The following IQUB variants were observed in gnomAD, a reference collection of about 807,000 sequenced individuals.
The protein encoded by IQUB is IQ motif and ubiquitin-like domain-containing protein.
Under a neutral mutation model 86.4 loss-of-function variants are expected in IQUB, and 86 were observed. The observed-to-expected ratio is 1.00, with a 90% CI of 0.84 to 1.19. The LOEUF is 1.19. Ranked by LOEUF, IQUB falls within the 50% of genes most tolerant of loss-of-function variation. IQUB has a pLI of 0.00. For synonymous variants in IQUB, 289 were observed against 304.5 expected, an observed-to-expected ratio of 0.95 and a Z score of 0.53; for missense variants, 946 against 916.9, an observed-to-expected ratio of 1.03 and a Z score of -0.41.
intron 8 of IQUB, among the ~76,000 whole-genome samples, chr7:123,478,089 G>T (rs1194836515): frequency 6.6e-6 from 1 of 151,944 alleles, no homozygotes; most frequent in East Asian, 1.9e-4. Context: ...CCCATTAGTG[G>T]GTATATACTC....
At chr7:123,477,236 CAG>C (rs1376286652) in intron 8 of IQUB, among the ~76,000 whole-genome samples, 1 of 152,130 alleles carries the variant, frequency 6.6e-6, no homozygotes, top group African/African-American at 2.4e-5. Flanking sequence ...GGTATCAAAA[CAG>C]AGAGATAGAC....
At chr7:123,532,888 T>G (rs1390272469) in intron 1 of IQUB, 1 of 152,322 alleles carries the variant, frequency 6.6e-6, no homozygotes, top group Admixed American at 6.5e-5. Context: ...GCCCCCAAGC[T>G]TGGCGCGGAA....
At chr7:123,497,251 T>C (rs1056810515) in intron 6 of IQUB, among the ~76,000 whole-genome samples, 3 of 152,146 alleles carry the variant, frequency 2.0e-5, no homozygotes, top group African/African-American at 7.2e-5. Context: ...AGTACCCTCA[T>C]GTGTAAAACA....
chr7:123,498,915 A>G (rs1335595377), intron 6 of IQUB, among the ~76,000 whole-genome samples: 1 of 152,186 alleles, frequency 6.6e-6, no homozygotes, highest in Non-Finnish European at 1.5e-5. Flanking sequence ...AAGGGAAAAA[A>G]TGGGTATTGA....
intron 10 of IQUB, among the ~76,000 whole-genome samples, chr7:123,464,146 T>C (rs566401232): frequency 1.3e-5 from 2 of 152,016 alleles, no homozygotes; most frequent in Non-Finnish European, 2.9e-5. Context: ...AAAACTATAA[T>C]TCTCTGACAA....
intron 7 of IQUB, among the ~76,000 whole-genome samples, chr7:123,481,847 G>A (rs1249968543): frequency 6.6e-6 from 1 of 151,972 alleles, no homozygotes; most frequent in East Asian, 1.9e-4. Context: ...AAATAGTGCA[G>A]AAAGCAAGAT....
intron 7 of IQUB, among the ~76,000 whole-genome samples, chr7:123,494,107 TA>T (rs985628026): frequency 1.9e-4 from 29 of 152,162 alleles, no homozygotes; most frequent in African/African-American, 6.3e-4. Context: ...GAATATGGGA[TA>T]CTTAGCACCT....
intron 1 of IQUB, among the ~76,000 whole-genome samples, chr7:123,523,527 T>G (rs546407378): frequency 1.3e-5 from 2 of 152,342 alleles, no homozygotes; most frequent in Non-Finnish European, 2.9e-5. Flanking sequence ...GTTCATCTCC[T>G]TTGCCCACTT....
intron 1 of IQUB, among the ~76,000 whole-genome samples, chr7:123,526,305 T>C (rs1410263604): frequency 6.6e-6 from 1 of 151,854 alleles, no homozygotes; most frequent in East Asian, 1.9e-4. Flanking sequence ...AGTGGAGTGT[T>C]AAAGTCTCCC....
intron 1 of IQUB, among the ~76,000 whole-genome samples, chr7:123,524,536 T>C (rs1208632816): frequency 7.4e-5 from 11 of 147,806 alleles, no homozygotes; most frequent in Middle Eastern, 3.4e-3. Context: ...CTTGTGATTT[T>C]TGTACATTGA....
At position 123,494,227 on chromosome 7, in the gene IQUB, C is replaced by G. The variant is rs1795613671; in HGVS notation, c.1234+2469G>C. Among the ~76,000 whole-genome samples the G allele has an allele frequency of 2.6e-5, 4 of 151,974 alleles. 1 individual carries two copies. The highest frequency in any genetic ancestry group is 1.3e-4 in the Admixed American group (2 of 15,244). On this transcript the variant is annotated intron_variant, in intron 7 of 12. Coordinates refer to ENST00000324698, the MANE Select transcript of IQUB (RefSeq NM_178827.5). ...ATCAAATATTATTGCCTGGAGATAG[C>G]CTCCTCTTTGACATATTACCTTATA...
Position 123,452,850 on chromosome 7 carries a change from C to A in IQUB, c.2269G>T (p.Val757Leu), listed in dbSNP as rs774092837. The change falls in exon 13 of 13, where the codon GTG becomes TTG. Residue 757 changes from valine (V) to leucine (L), a missense_variant. Coordinates refer to ENST00000324698, the MANE Select transcript of IQUB (RefSeq NM_178827.5). Reference sequence around the variant, plus strand: ...TCATCAAGTATAAATGAAGCCAGCACTGGAACCTGAGAAAAATAGTTCTTA... The same window carrying A: ...TCATCAAGTATAAATGAAGCCAGCAATGGAACCTGAGAAAAATAGTTCTTA... ...LAKNYFSQVPVLASFILDDGE... is the reference protein window; with the variant it reads ...LAKNYFSQVPLLASFILDDGE... 2 of 1,613,450 alleles carry A rather than the reference C, an allele frequency of 1.2e-6. No individual in the cohort carries two copies. The highest frequency in any genetic ancestry group is 1.7e-6 in the Non-Finnish European group (2 of 1,179,626).
chr7:123,480,086 G>C (rs1420141785), intron 7 of IQUB, 116 bp from the exon 8 acceptor site: 1 of 743,470 alleles, frequency 1.3e-6, no homozygotes, highest in East Asian at 2.8e-5. Flanking sequence ...TACACAGATA[G>C]AATCATTTCT....
At chr7:123,458,722 C>T (rs1793836080) in intron 11 of IQUB, among the ~76,000 whole-genome samples, 1 of 151,884 alleles carries the variant, frequency 6.6e-6, no homozygotes, top group Admixed American at 6.6e-5. Context: ...CAAATGTGCA[C>T]ATAAGTGTGG....
chr7:123,460,570 G>C (rs916289132), intron 11 of IQUB, among the ~76,000 whole-genome samples: 21 of 151,836 alleles, frequency 1.4e-4, no homozygotes, highest in Admixed American at 6.6e-5. Flanking sequence ...GGTCAATTGT[G>C]CTCTATAATA....
intron 7 of IQUB, among the ~76,000 whole-genome samples, chr7:123,491,483 A>G (rs1795458628): frequency 6.6e-6 from 1 of 152,222 alleles, no homozygotes; most frequent in South Asian, 2.1e-4. Flanking sequence ...CAAAATTACC[A>G]GTATCAGTAA....
At chr7:123,463,247 G>A (rs62483331) in intron 10 of IQUB, among the ~76,000 whole-genome samples, 2 of 151,778 alleles carry the variant, frequency 1.3e-5, no homozygotes, top group African/African-American at 4.8e-5. Context: ...TCTTTTTAAA[G>A]TAAACATGCA....
intron 1 of IQUB, among the ~76,000 whole-genome samples, chr7:123,522,945 T>C (rs914927293): frequency 3.4e-5 from 5 of 146,676 alleles, no homozygotes; most frequent in Non-Finnish European, 7.5e-5. Flanking sequence ...TGAGTGAGAA[T>C]ATGCGGTGTT....
chr7:123,497,821 G>A (rs1459943304), intron 6 of IQUB, among the ~76,000 whole-genome samples: 1 of 150,692 alleles, frequency 6.6e-6, no homozygotes, highest in Non-Finnish European at 1.5e-5. Flanking sequence ...AACAAAAGAG[G>A]CCAGTAGAAT....
Sources: allele counts gnomAD v4.1 joint callset (sites outside exome capture counted in the v4.1 genomes callset), GRCh38; gene constraint gnomAD v4.1.1; transcripts MANE v1.5; gene names NCBI Gene and HGNC (gene_info 2026-07-23, HGNC 2026-07-21).